The following DMXL1 variants were observed in gnomAD, a reference collection of about 807,000 sequenced individuals.
The protein encoded by DMXL1 is dmX-like protein 1.
In DMXL1, 99 loss-of-function variants were observed where a neutral mutation model predicts 319.2. The observed-to-expected ratio is 0.31, with a 90% CI of 0.26 to 0.37. The LOEUF is 0.37. Among genes scored for constraint, DMXL1 ranks in the 10% least tolerant of loss-of-function variants. The probability of loss-of-function intolerance (pLI) is 1.00; values close to 1 mark genes in which losing one functional copy is unlikely to be tolerated. For missense variants in DMXL1, 3,745 were observed against 3,595.6 expected (o/e 1.04, Z -1.06); for synonymous variants, 1,385 against 1,235.2 (o/e 1.12, Z -2.54).
intron 32 of DMXL1, among the ~76,000 whole-genome samples, chr5:119,200,037 G>T (rs1316511666): frequency 2.6e-5 from 4 of 152,100 alleles, no homozygotes; most frequent in African/African-American, 4.8e-5. Context: ...TGTTTACTCT[G>T]TTGATAGTTT....
chr5:119,222,370 C>A (rs576846586), intron 37 of DMXL1, among the ~76,000 whole-genome samples: 4 of 152,138 alleles, frequency 2.6e-5, no homozygotes, highest in African/African-American at 9.6e-5. Flanking sequence ...ACTTGAAAAG[C>A]AATCTAGTAA....
chr5:119,099,189 T>TG (rs200283844), intron 2 of DMXL1, among the ~76,000 whole-genome samples: 4,863 of 41,298 alleles, frequency 0.12, 246 homozygotes, highest in African/African-American at 0.39. Flanking sequence ...TTTTTTTGTT[T>TG]TTTGTTTGTT....
intron 42 of DMXL1, among the ~76,000 whole-genome samples, chr5:119,241,499 C>A (rs1296736039): frequency 6.8e-6 from 1 of 147,354 alleles, no homozygotes; most frequent in Non-Finnish European, 1.5e-5. Context: ...GGAGCCACTG[C>A]TCTCCAGCCT....
chr5:119,181,146 A>G (rs553241790), intron 28 of DMXL1, among the ~76,000 whole-genome samples: 7 of 152,278 alleles, frequency 4.6e-5, no homozygotes, highest in African/African-American at 1.7e-4. Flanking sequence ...CAAAAATACC[A>G]TTACATAAAT....
chr5:119,186,488 G>A (rs1032617977), intron 28 of DMXL1, among the ~76,000 whole-genome samples: 2 of 152,110 alleles, frequency 1.3e-5, no homozygotes, highest in African/African-American at 4.8e-5. Flanking sequence ...TGAACTCTAA[G>A]TTCAGTTTTT....
intron 9 of DMXL1, among the ~76,000 whole-genome samples, chr5:119,121,770 C>A (rs143179095): frequency 2.0e-5 from 3 of 152,080 alleles, no homozygotes; most frequent in Non-Finnish European, 2.9e-5. Flanking sequence ...CATTGTCATC[C>A]TGGCCCGTTC....
At chr5:119,083,136 C>T (rs141795340) in intron 1 of DMXL1, among the ~76,000 whole-genome samples, 1 of 151,954 alleles carries the variant, frequency 6.6e-6, no homozygotes. Flanking sequence ...TCAGCCTCCC[C>T]AGTAGCTGTG....
intron 8 of DMXL1, 144 bp downstream of exon 8, chr5:119,119,148 C>T: frequency 3.8e-6 from 2 of 527,490 alleles, no homozygotes; most frequent in Non-Finnish European, 6.3e-6. Flanking sequence ...GTTCAAAAAA[C>T]ATATTTTTAT....
intron 32 of DMXL1, among the ~76,000 whole-genome samples, chr5:119,202,999 A>G (rs143376306): frequency 1.3e-5 from 2 of 150,964 alleles, no homozygotes; most frequent in East Asian, 1.9e-4. Context: ...TTAGACATAT[A>G]TATTCAAATA....
chr5:119,204,452 T>C (rs1366180382), intron 33 of DMXL1, among the ~76,000 whole-genome samples: 2 of 152,178 alleles, frequency 1.3e-5, no homozygotes, highest in East Asian at 3.8e-4. Context: ...TTTTTAAATA[T>C]GTACATTTTC....
At chr5:119,104,823 A>G (rs1757983913) in intron 3 of DMXL1, among the ~76,000 whole-genome samples, 1 of 152,238 alleles carries the variant, frequency 6.6e-6, no homozygotes, top group Non-Finnish European at 1.5e-5. Context: ...AGATGGGGAC[A>G]AAACAGTAAA....
At chr5:119,108,546 C>T (rs1444592347) in intron 4 of DMXL1, among the ~76,000 whole-genome samples, 1 of 152,074 alleles carries the variant, frequency 6.6e-6, no homozygotes, top group South Asian at 2.1e-4. Flanking sequence ...ACCTCAGCCT[C>T]CCTAGTGTCT....
At chr5:119,072,618 G>A (rs1436986157) in intron 1 of DMXL1, among the ~76,000 whole-genome samples, 1 of 152,180 alleles carries the variant, frequency 6.6e-6, no homozygotes, top group African/African-American at 2.4e-5. Context: ...GTTTAGGAGT[G>A]TTAAATTTCT....
At chr5:119,243,109 C>T (rs1383930139) in intron 42 of DMXL1, among the ~76,000 whole-genome samples, 1 of 152,068 alleles carries the variant, frequency 6.6e-6, no homozygotes, top group Non-Finnish European at 1.5e-5. Flanking sequence ...TATTCTGTAC[C>T]TTGATCTTAG....
intron 33 of DMXL1, 55 bp from the exon 34 acceptor site, chr5:119,206,779 G>T: frequency 1.9e-6 from 2 of 1,055,540 alleles, no homozygotes; most frequent in Non-Finnish European, 2.7e-6. Context: ...CCAGTATTTT[G>T]CATGTTACAT....
intron 1 of DMXL1, among the ~76,000 whole-genome samples, chr5:119,097,146 C>T (rs1161874142): frequency 6.6e-6 from 1 of 152,098 alleles, no homozygotes; most frequent in Non-Finnish European, 1.5e-5. Flanking sequence ...AAACAAGAGC[C>T]AGCTGAGAGA....
Position 119,217,729 on chromosome 5 carries a change from A to ATC in DMXL1, c.8013+743_8013+744insCT, listed in dbSNP as rs1310180271. Among the ~76,000 whole-genome samples the ATC allele has an allele frequency of 3.3e-5, 5 of 152,178 alleles. No homozygotes were observed. The East Asian group carries it at 7.7e-4, about 23-fold the overall frequency. On this transcript the variant is annotated intron_variant, in intron 35 of 43. Transcript: ENST00000539542. ...AATTTTAAAATAATTGTTAAATGTT[A>ATC]TGTAGATACATACCCTGTAATATGT...
At chr5:119,155,618 C>A (rs942075113) in intron 19 of DMXL1, among the ~76,000 whole-genome samples, 1 of 151,958 alleles carries the variant, frequency 6.6e-6, no homozygotes, top group African/African-American at 2.4e-5. Context: ...GTGGGAGGAT[C>A]GCTTAAGGCC....
At chr5:119,220,108 C>T (rs1253987473) in intron 35 of DMXL1, among the ~76,000 whole-genome samples, 1 of 151,666 alleles carries the variant, frequency 6.6e-6, no homozygotes, top group Non-Finnish European at 1.5e-5. Flanking sequence ...TTCCTTATTG[C>T]CCTCACCTTT....
Sources: gnomAD v4.1 joint callset for allele counts (sites outside exome capture counted in the v4.1 genomes callset) on GRCh38, gnomAD v4.1.1 for gene constraint, MANE v1.5 for transcripts, NCBI Gene and HGNC (gene_info 2026-07-23, HGNC 2026-07-21) for gene names.